Variants in TENM3 observed in about 807,000 individuals in gnomAD.
The protein encoded by TENM3 is teneurin-3.
Under a neutral mutation model 255.1 loss-of-function variants are expected in TENM3, and 63 were observed. The observed-to-expected ratio is 0.25, with a 90% confidence interval of 0.20 to 0.30. TENM3 has a LOEUF of 0.30. TENM3 is among the 10% of genes least tolerant of loss of function. The pLI is 1.00. For synonymous variants in TENM3, 1,306 were observed against 1,322.3 expected (o/e 0.99, Z 0.27); for missense variants, 2,929 against 3,461.1 (o/e 0.85, Z 3.86).
chr4:181,522,128 A>AAAAAAAG, the TENM3 span, among the ~76,000 whole-genome samples: 1 of 146,866 alleles, frequency 6.8e-6, no homozygotes, highest in African/African-American at 2.6e-5. Flanking sequence ...AAAAAAAAAA[A>AAAAAAAG]AAGAAGAAGC....
At chr4:181,794,210 A>G in the TENM3 span, among the ~76,000 whole-genome samples, 2 of 152,160 alleles carry the variant, frequency 1.3e-5, no homozygotes, top group African/African-American at 2.4e-5. Context: ...ACACACTGCA[A>G]AGTCACTACC....
In TENM3 at chr4:182,409,163, A is replaced by G. The variant is rs1183481689; in HGVS notation, c.511+62234A>G. 2.6e-5 allele frequency among the ~76,000 whole-genome samples: 4 copies of G among 152,196 alleles called. No homozygotes were observed. In the East Asian group the frequency reaches 7.7e-4, roughly 29 times the overall value. On this transcript the variant is annotated intron_variant, in intron 3 of 27. Coordinates refer to ENST00000511685, the MANE Select transcript of TENM3 (RefSeq NM_001080477.4). Reference sequence around the variant, plus strand: ...CAGCATCGTAGAGGTCTTTCTAGAGATCCTTTCTGTCCAGGTGAAGGCCAT... The same window carrying G: ...CAGCATCGTAGAGGTCTTTCTAGAGGTCCTTTCTGTCCAGGTGAAGGCCAT...
intron 1 of TENM3, among the ~76,000 whole-genome samples, chr4:182,258,252 G>T (rs1040782012): frequency 6.6e-6 from 1 of 151,970 alleles, no homozygotes; most frequent in Non-Finnish European, 1.5e-5. Context: ...ACTGAATTTA[G>T]TGGTAAACAA....
At chr4:181,860,925 A>C in the TENM3 span, among the ~76,000 whole-genome samples, 182 of 152,328 alleles carry the variant, frequency 1.2e-3, no homozygotes, top group African/African-American at 3.9e-3. Flanking sequence ...GCTTAATAAA[A>C]AGTATACTCA....
At chr4:182,473,628 G>C (rs1032247828) in intron 3 of TENM3, among the ~76,000 whole-genome samples, 1 of 152,058 alleles carries the variant, frequency 6.6e-6, no homozygotes, top group Non-Finnish European at 1.5e-5. Flanking sequence ...AGCCGAGATC[G>C]CGCCGCTGCA....
At chr4:182,641,430 T>C (rs1013413486) in intron 5 of TENM3, among the ~76,000 whole-genome samples, 1 of 152,236 alleles carries the variant, frequency 6.6e-6, no homozygotes. Flanking sequence ...TATTTTACCA[T>C]TTTTTAAAAA....
chr4:181,528,021 G>A, the TENM3 span, among the ~76,000 whole-genome samples: 29 of 151,872 alleles, frequency 1.9e-4, no homozygotes, highest in Non-Finnish European at 3.7e-4. Context: ...AAAAGGGGGG[G>A]TTAAAGGAGG....
At chr4:182,549,527 T>C (rs1315441075) in intron 3 of TENM3, among the ~76,000 whole-genome samples, 8 of 152,220 alleles carry the variant, frequency 5.3e-5, no homozygotes, top group Admixed American at 2.0e-4. Flanking sequence ...TTGTAGAGAG[T>C]TGGAAAGCAA....
chr4:182,222,464 T>G (rs1297190109), intron 1 of TENM3, among the ~76,000 whole-genome samples: 1 of 152,226 alleles, frequency 6.6e-6, no homozygotes, highest in African/African-American at 2.4e-5. Flanking sequence ...CCATGTGCCT[T>G]TAGCTTCTTG....
At chr4:182,262,669 C>A (rs769061656) in intron 1 of TENM3, among the ~76,000 whole-genome samples, 2 of 151,618 alleles carry the variant, frequency 1.3e-5, no homozygotes, top group African/African-American at 4.9e-5. Flanking sequence ...CAGCAGCCCA[C>A]GGGGCTGCTC....
chr4:182,541,605 C>T (rs1437340609), intron 3 of TENM3, among the ~76,000 whole-genome samples: 2 of 152,036 alleles, frequency 1.3e-5, no homozygotes, highest in African/African-American at 4.8e-5. Flanking sequence ...GTATATGTAA[C>T]GAAGAGTAAG....
At chr4:182,184,170 A>T (rs2149753399) in intron 1 of TENM3, among the ~76,000 whole-genome samples, 1 of 152,312 alleles carries the variant, frequency 6.6e-6, no homozygotes, top group East Asian at 1.9e-4. Context: ...TGTACAACAA[A>T]GATTTTTAAG....
intron 7 of TENM3, among the ~76,000 whole-genome samples, chr4:182,673,720 T>C (rs1408647059): frequency 6.6e-6 from 1 of 152,190 alleles, no homozygotes; most frequent in Non-Finnish European, 1.5e-5. Context: ...CCGTGCCTCA[T>C]CTAAAATGAT....
Position 182,796,898 on chromosome 4 carries a change from AAAC to A in TENM3, c.7344+136_7344+138del, listed in dbSNP as rs916030730. On this transcript the variant is annotated intron_variant, in intron 27 of 27. Coordinates refer to ENST00000511685, the MANE Select transcript of TENM3 (RefSeq NM_001080477.4). ...ACTTTTTGACTGTTTTAGGGAAAAA[AAAC>A]AACACTTCCTCTGCATTTGTGTTCA... 3 of 610,862 alleles carry A rather than the reference AAAC, an allele frequency of 4.9e-6. No individual in the cohort carries two copies. The Admixed American group carries it at 1.1e-4, about 23-fold the overall frequency. The allele number at this position is 610,862 out of a possible 1,614,324, so 37.8% of individuals were successfully genotyped here. A position where few individuals can be genotyped will look rare whatever the true frequency, so the allele number is the denominator to read the frequency against.
At chr4:182,463,815 G>A (rs2151409635) in intron 3 of TENM3, among the ~76,000 whole-genome samples, 1 of 152,050 alleles carries the variant, frequency 6.6e-6, no homozygotes. Context: ...TAAATATGGG[G>A]TTTCTCCATG....
At chr4:182,536,198 A>G (rs1380345031) in intron 3 of TENM3, among the ~76,000 whole-genome samples, 1 of 152,248 alleles carries the variant, frequency 6.6e-6, no homozygotes, top group Non-Finnish European at 1.5e-5. Context: ...TCATAGATCA[A>G]GTTTGTAACT....
chr4:182,113,913 T>C, the TENM3 span, among the ~76,000 whole-genome samples: 26 of 152,214 alleles, frequency 1.7e-4, no homozygotes, highest in Admixed American at 1.6e-3. Flanking sequence ...TAAGATATAC[T>C]CATCATTTAA....
intron 1 of TENM3, among the ~76,000 whole-genome samples, chr4:182,220,475 G>A (rs1448405330): frequency 3.3e-5 from 5 of 150,120 alleles, no homozygotes; most frequent in Admixed American, 6.6e-5. Context: ...TCTGACGGCC[G>A]ATCTCTTCCT....
At chr4:181,833,174 G>C in the TENM3 span, among the ~76,000 whole-genome samples, 2 of 152,070 alleles carry the variant, frequency 1.3e-5, no homozygotes, top group Non-Finnish European at 2.9e-5. Context: ...CCCGACAACA[G>C]AGGTGATAAT....
Sources: allele counts gnomAD v4.1 joint callset (sites outside exome capture counted in the v4.1 genomes callset), GRCh38; gene constraint gnomAD v4.1.1; transcripts MANE v1.5; gene names NCBI Gene and HGNC (gene_info 2026-07-23, HGNC 2026-07-21).